The following CHD7 variants were observed in gnomAD, a reference collection of about 807,000 sequenced individuals.
CHD7 encodes the protein ATP-dependent chromatin remodeler CHD7.
In CHD7, 24 loss-of-function variants were observed where a neutral mutation model predicts 307.3. That is an observed-to-expected ratio of 0.08 (90% CI 0.06 to 0.11). CHD7 has a LOEUF of 0.11. Ranked by LOEUF, CHD7 falls within the 10% of genes least tolerant of loss-of-function variation. The pLI is 1.00. For synonymous variants in CHD7, 1,363 were observed against 1,349.9 expected, an observed-to-expected ratio of 1.01 and a Z score of -0.21; for missense variants, 3,106 against 3,727.1, an observed-to-expected ratio of 0.83 and a Z score of 4.34.
chr8:60,790,345 G>A lies in CHD7; in HGVS notation c.2097-4641G>A, dbSNP rs1484021532. ...AGCTTCTCTAGCCTCAGGAGGGATG[G>A]CCTGCTTTTTGGTCATTATCAGTAA... is the stretch of plus-strand genomic sequence containing the variant. On this transcript the variant is annotated intron_variant, in intron 3 of 37. Transcript: ENST00000423902. 5.3e-5 allele frequency among the ~76,000 whole-genome samples: 8 copies of A among 152,262 alleles called. No individual in the cohort carries two copies. The East Asian group carries it at 5.8e-4, about 11-fold the overall frequency.
At chr8:60,854,279 T>G (rs1586448658) in intron 31 of CHD7, 84 bp from the exon 32 acceptor site, 1 of 1,215,494 alleles carries the variant, frequency 8.2e-7, no homozygotes, top group South Asian at 1.4e-5. Flanking sequence ...CTGATTAGTA[T>G]TCACATTTTT....
At chr8:60,730,641 A>G (rs911795770) in intron 1 of CHD7, among the ~76,000 whole-genome samples, 2 of 152,136 alleles carry the variant, frequency 1.3e-5, no homozygotes, top group Admixed American at 1.3e-4. Flanking sequence ...CGGGTGGATC[A>G]CGAGGTCAGG....
chr8:60,705,769 G>C (rs780686502), intron 1 of CHD7, among the ~76,000 whole-genome samples: 1 of 152,180 alleles, frequency 6.6e-6, no homozygotes, highest in Non-Finnish European at 1.5e-5. Flanking sequence ...GCATGTAGAA[G>C]AGAAACAGGG....
At chr8:60,733,124 A>G (rs1303984735) in intron 1 of CHD7, among the ~76,000 whole-genome samples, 6 of 152,022 alleles carry the variant, frequency 3.9e-5, no homozygotes, top group Non-Finnish European at 5.9e-5. Context: ...AGTCCCAACT[A>G]CTTGGGAGCC....
chr8:60,739,031 C>G (rs753182808), intron 1 of CHD7, among the ~76,000 whole-genome samples: 3 of 152,146 alleles, frequency 2.0e-5, no homozygotes, highest in African/African-American at 4.8e-5. Flanking sequence ...CCAACTTCAT[C>G]GCCACTTCTC....
Position 60,838,213 on chromosome 8 carries a change from C to G in CHD7, c.4491C>G (p.Thr1497=). Residue 1497 remains threonine, a synonymous_variant, in exon 19 of 38, where the codon ACC becomes ACG. Coordinates refer to ENST00000423902, the MANE Select transcript of CHD7 (RefSeq NM_017780.4). ...AGATCCTCCTACGTCGAACCCACAC[C>G]ATTACCATTGAGTCAGAAGGGAAAG... The part of the protein sequence containing the change: ...IDQILLRRTH[T]ITIESEGKGS... 1.2e-6 allele frequency: 2 copies of G among 1,604,206 alleles called. No homozygotes were observed. Among genetic ancestry groups the G allele is most frequent in the Non-Finnish European group, 1.7e-6 (2 of 1,175,310 alleles).
At chr8:60,719,734 A>G (rs1342215265) in intron 1 of CHD7, among the ~76,000 whole-genome samples, 2 of 152,200 alleles carry the variant, frequency 1.3e-5, no homozygotes, top group African/African-American at 4.8e-5. Flanking sequence ...GTGAAGGAGC[A>G]GAGAGTCCAT....
intron 4 of CHD7, 24 bp downstream of exon 4, chr8:60,795,151 G>A (rs756101983): frequency 5.6e-6 from 9 of 1,606,432 alleles, no homozygotes; most frequent in Middle Eastern, 1.7e-4. Context: ...TGTGATTCCC[G>A]AGCCTTGGTT....
chr8:60,760,282 C>T (rs1586281309), intron 2 of CHD7, among the ~76,000 whole-genome samples: 2 of 151,762 alleles, frequency 1.3e-5, no homozygotes, highest in African/African-American at 2.4e-5. Context: ...GGAAAACTGG[C>T]TAGCCATATG....
At chr8:60,783,916 C>A (rs1811376093) in intron 3 of CHD7, among the ~76,000 whole-genome samples, 1 of 152,164 alleles carries the variant, frequency 6.6e-6, no homozygotes, top group Non-Finnish European at 1.5e-5. Context: ...ACAGGGATGG[C>A]TGTCCAAGCA....
chr8:60,684,001 A>G (rs113463037), intron 1 of CHD7, among the ~76,000 whole-genome samples: 7 of 152,192 alleles, frequency 4.6e-5, no homozygotes, highest in African/African-American at 9.6e-5. Flanking sequence ...AGATGCATGT[A>G]TTGATCACCA....
Position 60,856,637 on chromosome 8 carries a change from A to G in CHD7, c.7357A>G (p.Ser2453Gly), listed in dbSNP as rs1224946467. The stretch of plus-strand genomic sequence containing the variant: ...ATCAAAGGCCTCAAGAGAGGCAACA[A>G]GCTCTACCTCAAATTTTTCATCTCT... The part of the protein sequence containing the change: ...DLSKASREAT[S>G]STSNFSSLSS... The change falls in exon 34 of 38, where the codon AGC becomes GGC. Residue 2453 changes from serine (S) to glycine (G), a missense_variant. Transcript: ENST00000423902. 4.3e-6 allele frequency: 7 copies of G among 1,614,062 alleles called. No individual in the cohort carries two copies. The highest frequency in any genetic ancestry group is 5.1e-6 in the Non-Finnish European group (6 of 1,179,888).
chr8:60,705,495 C>T (rs1334809092), intron 1 of CHD7, among the ~76,000 whole-genome samples: 1 of 152,180 alleles, frequency 6.6e-6, no homozygotes. Flanking sequence ...AGACTTGTTA[C>T]TTAGGGTTAA....
chr8:60,861,035 G>T lies in CHD7; in HGVS notation c.7740G>T (p.Leu2580=), dbSNP rs758131322. ...PVINLEDGTR[L]VGEDAPKNKD... ...TCAATCTTGAAGATGGGACTAGGCT[G>T]GTGGGGGAAGATGCTCCTAAAAATA... Residue 2580 remains leucine (L), a synonymous_variant, in exon 35 of 38, where the codon CTG becomes CTT. Coordinates refer to ENST00000423902, the MANE Select transcript of CHD7 (RefSeq NM_017780.4). 1 of 1,614,018 alleles carries T rather than the reference G, an allele frequency of 6.2e-7. No homozygotes were observed. The highest frequency in any genetic ancestry group is 1.1e-5 in the South Asian group (1 of 91,080).
intron 6 of CHD7, 130 bp downstream of exon 6, chr8:60,801,723 T>C: frequency 1.6e-6 from 1 of 638,544 alleles, no homozygotes; most frequent in Non-Finnish European, 2.7e-6. Context: ...TAATCCTGTC[T>C]AATTTATTAA....
intron 1 of CHD7, among the ~76,000 whole-genome samples, chr8:60,699,979 C>T (rs1282007109): frequency 6.6e-6 from 1 of 151,840 alleles, no homozygotes; most frequent in Non-Finnish European, 1.5e-5. Flanking sequence ...TACAGGCATG[C>T]ACCACCATGC....
intron 19 of CHD7, among the ~76,000 whole-genome samples, chr8:60,840,695 G>T (rs1276965466): frequency 6.6e-6 from 1 of 150,938 alleles, no homozygotes; most frequent in Non-Finnish European, 1.5e-5. Context: ...TCGGCTCACT[G>T]CAACCTCCAC....
Position 60,737,015 on chromosome 8 carries a change from CAT to C in CHD7, c.-174-4243_-174-4242del, listed in dbSNP as rs570325355. ...ATAAATTTAATAAGTAAAAATTTAACATGTGTTATAATTAAGAAATTTTATAT... is the reference window on the plus strand; with the variant it reads ...ATAAATTTAATAAGTAAAAATTTAACGTGTTATAATTAAGAAATTTTATAT... On this transcript the variant is annotated intron_variant, in intron 1 of 37. Transcript: ENST00000423902. Among the ~76,000 whole-genome samples, 325 of 152,052 alleles carry C rather than the reference CAT, an allele frequency of 2.1e-3. 3 individuals carry two copies. Among genetic ancestry groups the C allele is most frequent in the African/African-American group, 7.2e-3 (298 of 41,504 alleles).
Position 60,865,448 on chromosome 8 carries a change from G to A in CHD7, c.8509G>A (p.Glu2837Lys), listed in dbSNP as rs773138428. ...TACTGCTTCTAGTCAAGGAGAACCG[G>A]AAGACAGCACTTCAAAAGGAGAGGA... Reference protein sequence around the residue: ...TTTASSQGEPEDSTSKGEEKG... With the variant: ...TTTASSQGEPKDSTSKGEEKG... The change falls in exon 38 of 38, where the codon GAA becomes AAA. Residue 2837 changes from glutamate to lysine, a missense_variant. By Grantham distance (56) the Glu-to-Lys change is moderately conservative. Transcript: ENST00000423902. The surrounding 1 kb of genome is among the most constrained non-coding windows in gnomAD (Gnocchi z 4.3). The A allele has an allele frequency of 1.2e-6, 2 of 1,614,048 alleles. No homozygotes were observed. The highest frequency in any genetic ancestry group is 2.2e-5 in the South Asian group (2 of 91,090).
Sources: gnomAD v4.1 joint callset for allele counts (sites outside exome capture counted in the v4.1 genomes callset) on GRCh38, gnomAD v4.1.1 for gene constraint, Gnocchi (gnomAD v3.1) non-coding constraint, MANE v1.5 for transcripts, NCBI Gene and HGNC (gene_info 2026-07-23, HGNC 2026-07-21) for gene names.